The following FANCI variants were observed in gnomAD, a reference collection of about 807,000 sequenced individuals.
FANCI encodes FA complementation group I, also known as Fanconi anemia group I protein.
Under a neutral mutation model 176.1 loss-of-function variants are expected in FANCI, and 156 were observed. That is an observed-to-expected ratio of 0.89 (90% confidence interval 0.78 to 1.01). FANCI has a LOEUF of 1.01. Among genes scored for constraint, FANCI ranks in the 50% least tolerant of loss-of-function variants. FANCI has a pLI of 0.00. For synonymous variants in FANCI, 613 were observed against 541.7 expected (o/e 1.13, Z -1.83); for missense variants, 1,678 against 1,534.1 (o/e 1.09, Z -1.57).
intron 13 of FANCI, among the ~76,000 whole-genome samples, chr15:89,277,139 T>C (rs756313125): frequency 3.3e-5 from 5 of 152,214 alleles, no homozygotes; most frequent in East Asian, 3.8e-4. Context: ...ACCTAGAAGT[T>C]TGAATATAAG....
intron 25 of FANCI, 49 bp downstream of exon 25, chr15:89,300,015 G>T (rs2054468134): frequency 6.3e-7 from 1 of 1,595,016 alleles, no homozygotes; most frequent in African/African-American, 1.3e-5. Context: ...TTTCTCCTTA[G>T]CTCAACCCCT....
chr15:89,268,556 C>G (rs779965134), intron 10 of FANCI, 31 bp downstream of exon 10: 10 of 1,613,224 alleles, frequency 6.2e-6, no homozygotes, highest in African/African-American at 1.3e-5. Context: ...TGATCTGGGT[C>G]TCTTTTGAAT....
rs545551892 is a variant in FANCI at position 89,280,511 on chromosome 15, T to G, written c.1382-659T>G. On this transcript the variant is annotated intron_variant, in intron 14 of 37. Coordinates refer to ENST00000310775, the MANE Select transcript of FANCI (RefSeq NM_001113378.2). Reference sequence around the variant, plus strand: ...TTACTCATACTTTTCCCTTTATATATGTAGGCCTTTCTGGTGCTTTGTGCA... The same window carrying G: ...TTACTCATACTTTTCCCTTTATATAGGTAGGCCTTTCTGGTGCTTTGTGCA... Among the ~76,000 whole-genome samples the G allele has an allele frequency of 2.7e-4, 41 of 152,340 alleles. No homozygotes were observed. In the South Asian group the frequency reaches 8.5e-3, roughly 32 times the overall value.
chr15:89,310,154 A>G (rs1316947112), intron 34 of FANCI, among the ~76,000 whole-genome samples: 5 of 152,218 alleles, frequency 3.3e-5, no homozygotes, highest in Non-Finnish European at 7.3e-5. Context: ...TTTTTCTGTA[A>G]AGGGCCAGAT....
chr15:89,306,466 C>T (rs1259297770), intron 32 of FANCI, among the ~76,000 whole-genome samples: 2 of 151,892 alleles, frequency 1.3e-5, no homozygotes, highest in Non-Finnish European at 2.9e-5. Flanking sequence ...CTGAGACGGG[C>T]GGATCACCTG....
Position 89,264,006 on chromosome 15 carries a change from CTT to C in FANCI, c.650_651del (p.Leu217ProfsTer25). On this transcript the variant is annotated frameshift_variant, in exon 8 of 38. Transcript: ENST00000310775. LOFTEE classifies it high-confidence loss of function. Reference protein sequence around the residue: ...LQEIPPLVYQLLVLSSKGSRK... With the variant: ...LQEIPPLVYQXLVLSSKGSRK... Reference sequence around the variant, plus strand: ...AGAAATACCACCTTTGGTCTATCAGCTTCTGGTTCTCTCCTCCAAGGTACAAA... The same window carrying C: ...AGAAATACCACCTTTGGTCTATCAGCCTGGTTCTCTCCTCCAAGGTACAAA... The C allele has an allele frequency of 6.2e-7, 1 of 1,614,096 alleles. No homozygotes were observed. Among genetic ancestry groups the C allele is most frequent in the East Asian group, 2.2e-5 (1 of 44,856 alleles).
chr15:89,264,109 A>G (rs1042005957), intron 8 of FANCI, 83 bp downstream of exon 8: 3 of 1,487,214 alleles, frequency 2.0e-6, no homozygotes, highest in Non-Finnish European at 2.8e-6. Context: ...CTTGGTTTAT[A>G]TAGCAGAGCA....
intron 31 of FANCI, 150 bp from the exon 32 acceptor site, chr15:89,305,857 T>C (rs1426738312): frequency 4.9e-5 from 52 of 1,052,708 alleles, no homozygotes; most frequent in Non-Finnish European, 4.3e-6. Flanking sequence ...ATCATATGTC[T>C]TATCACAGCA....
At chr15:89,309,763 T>C (rs1445782628) in intron 34 of FANCI, among the ~76,000 whole-genome samples, 1 of 152,148 alleles carries the variant, frequency 6.6e-6, no homozygotes, top group East Asian at 1.9e-4. Flanking sequence ...GTATGTTCAT[T>C]AGTAGTTTTC....
intron 14 of FANCI, among the ~76,000 whole-genome samples, chr15:89,279,792 A>G (rs1018610934): frequency 1.3e-5 from 2 of 151,702 alleles, no homozygotes; most frequent in African/African-American, 2.4e-5. Context: ...TCATACTGTC[A>G]TTGTTTCTAT....
At chr15:89,264,961 A>G (rs1190970810) in intron 9 of FANCI, among the ~76,000 whole-genome samples, 1 of 152,258 alleles carries the variant, frequency 6.6e-6, no homozygotes, top group African/African-American at 2.4e-5. Context: ...AAAGAAAATA[A>G]ATAACAAGAA....
In FANCI at chr15:89,292,862, C is replaced by T. The variant is rs878854177; in HGVS notation, c.2167C>T (p.Leu723=). Residue 723 remains leucine (L), a splice_region_variant and synonymous_variant, in exon 21 of 38, where the codon CTG becomes TTG. Transcript: ENST00000310775. ...MIKSELEDFE[L]DKSADFSQST... ...TAAGAGTGAGCTGGAAGACTTTGAA[C>T]TGGTAATTGCTAAGTCCTCAGCTGT... 1.9e-6 allele frequency: 3 copies of T among 1,614,038 alleles called. No individual in the cohort carries two copies. The highest frequency in any genetic ancestry group is 2.5e-6 in the Non-Finnish European group (3 of 1,179,978).
At chr15:89,252,552 C>G (rs1398404696) in intron 2 of FANCI, among the ~76,000 whole-genome samples, 2 of 152,050 alleles carry the variant, frequency 1.3e-5, no homozygotes, top group Non-Finnish European at 2.9e-5. Flanking sequence ...CTAGCCTGGC[C>G]AACATGGTGA....
chr15:89,251,051 A>C (rs2052225948), intron 2 of FANCI, among the ~76,000 whole-genome samples: 1 of 152,050 alleles, frequency 6.6e-6, no homozygotes, highest in South Asian at 2.1e-4. Context: ...TTGTGGGGGA[A>C]AAAAACACCA....
At chr15:89,305,738 G>A in intron 31 of FANCI, 40 bp downstream of exon 31, 1 of 1,589,346 alleles carries the variant, frequency 6.3e-7, no homozygotes. Flanking sequence ...ATTGACATGA[G>A]CAAGGTCAAA....
At chr15:89,295,585 G>A (rs1391854071) in intron 24 of FANCI, among the ~76,000 whole-genome samples, 1 of 151,912 alleles carries the variant, frequency 6.6e-6, no homozygotes, top group African/African-American at 2.4e-5. Flanking sequence ...AGAATTGCTC[G>A]AACCTGGGAG....
chr15:89,258,309 T>C (rs942002276), intron 2 of FANCI, among the ~76,000 whole-genome samples: 5 of 152,150 alleles, frequency 3.3e-5, no homozygotes, highest in Non-Finnish European at 7.3e-5. Flanking sequence ...CAGCCTCTTA[T>C]TTGGTTCTTT....
chr15:89,315,009 A>G (rs990067157), intron 36 of FANCI, among the ~76,000 whole-genome samples: 2 of 151,874 alleles, frequency 1.3e-5, no homozygotes, highest in Non-Finnish European at 1.5e-5. Context: ...GGGTCTCACT[A>G]TGCTGCCCAG....
At chr15:89,308,208 T>A in intron 34 of FANCI, 1 of 1,006,588 alleles carries the variant, frequency 9.9e-7, no homozygotes, top group Non-Finnish European at 1.2e-6. Flanking sequence ...CGCTAGATAA[T>A]TCTTTGTTGT....
Sources: allele counts gnomAD v4.1 joint callset (sites outside exome capture counted in the v4.1 genomes callset), GRCh38; gene constraint gnomAD v4.1.1; transcripts MANE v1.5; gene names NCBI Gene and HGNC (gene_info 2026-07-23, HGNC 2026-07-21).